CLN6: variants seen among roughly 807,000 people sequenced by gnomAD.
CLN6 encodes the protein ceroid-lipofuscinosis neuronal protein 6.
In CLN6, 22 loss-of-function variants were observed where a neutral mutation model predicts 33.3. That is an observed-to-expected ratio of 0.66 (90% CI 0.47 to 0.94). The LOEUF (loss-of-function observed/expected upper bound fraction) is 0.94, where lower values mean the gene tolerates loss of function less well. Ranked by LOEUF, CLN6 falls within the 40% of genes least tolerant of loss-of-function variation. CLN6 has a pLI of 0.00. For synonymous variants in CLN6, 201 were observed against 174.6 expected, an observed-to-expected ratio of 1.15 and a Z score of -1.19; for missense variants, 387 against 417.1, an observed-to-expected ratio of 0.93 and a Z score of 0.63.
At chr15:68,213,636 G>A (rs1015565402) in intron 3 of CLN6, 1 of 152,536 alleles carries the variant, frequency 6.6e-6, no homozygotes, top group African/African-American at 2.4e-5. Flanking sequence ...CCAAAGTGCT[G>A]GGATTACAGG....
chr15:68,241,547 C>T lies in CLN6; in HGVS notation c.179+15143G>A, dbSNP rs937773332. Among the ~76,000 whole-genome samples, 10 of 151,966 alleles carry T rather than the reference C, an allele frequency of 6.6e-5. No individual in the cohort carries two copies. The highest frequency in any genetic ancestry group is 6.8e-3 in the Middle Eastern group (2 of 294). On this transcript the variant is annotated intron_variant, in intron 1 of 6. Transcript: ENST00000538696. This position sits in a 1 kb window ranked among gnomAD's most constrained non-coding sequence, Gnocchi z 4.2. ...TTCCTGGCAGGAGACCTTGCCTCTGCCTCAACCCATGGGAAGCATCATGAT... is the reference window on the plus strand; with the variant it reads ...TTCCTGGCAGGAGACCTTGCCTCTGTCTCAACCCATGGGAAGCATCATGAT...
intron 1 of CLN6, among the ~76,000 whole-genome samples, chr15:68,250,658 T>C (rs1892370402): frequency 1.3e-5 from 2 of 148,744 alleles, no homozygotes; most frequent in Admixed American, 1.3e-4. Context: ...CAAGCCTAGA[T>C]AGTTTTCACG....
upstream of CLN6, chr15:68,229,887 G>A (rs2093265352): frequency 8.3e-6 from 2 of 241,822 alleles, no homozygotes; most frequent in Admixed American, 5.7e-5. Context: ...GGCTGCGCGC[G>A]TGACCACCAG....
In CLN6 at chr15:68,207,225, TGA is replaced by T. The variant is rs1348532210; in HGVS notation, c.*913_*914del. 6.6e-6 allele frequency: 1 copy of T among 152,374 alleles called. No homozygotes were observed. The allele number at this position is 152,374 out of a possible 1,614,324, so 9.4% of individuals were successfully genotyped here. On this transcript the variant is annotated 3_prime_UTR_variant, in exon 7 of 7. Coordinates refer to ENST00000249806, the MANE Select transcript of CLN6 (RefSeq NM_017882.3). ...GCCCAGCACCTTGTAAAGGCTTTGA[TGA>T]GAGGAGCTCTGGCTTTTGCTCAGGG...
At chr15:68,245,820 A>C (rs1892324610) in intron 1 of CLN6, among the ~76,000 whole-genome samples, 1 of 152,120 alleles carries the variant, frequency 6.6e-6, no homozygotes, top group Non-Finnish European at 1.5e-5. Context: ...AGAATAAGAA[A>C]CCCAACTTAC....
chr15:68,256,810 A>G lies in CLN6; in HGVS notation c.59T>C (p.Leu20Pro). The change falls in exon 1 of 7, where the codon CTG (leucine) becomes CCG (proline). Residue 20 changes from leucine to proline, a missense_variant. By Grantham distance (98) the Leu-to-Pro change is moderately conservative. Transcript: ENST00000538696. This position sits in a 1 kb window ranked among gnomAD's most constrained non-coding sequence, Gnocchi z 4.1. ...TCCCTCCCTCCTAGGGATGGCTCCC[A>G]GTGTCTCTGGCCGGGGCCTGCCTCT... 1 of 693,780 alleles carries G rather than the reference A, an allele frequency of 1.4e-6. No individual in the cohort carries two copies. Among genetic ancestry groups the G allele is most frequent in the African/African-American group, 1.8e-5 (1 of 56,886 alleles). 43.0% of individuals were successfully genotyped at this position (693,780 alleles called of 1,614,324 possible). A position where few individuals can be genotyped will look rare whatever the true frequency, so the allele number is the denominator to read the frequency against.
At position 68,226,317 on chromosome 15, in the gene CLN6, T is replaced by G. The variant is rs1595825385; in HGVS notation, c.83+3185A>C. 3.8e-5 allele frequency among the ~76,000 whole-genome samples: 4 copies of G among 105,556 alleles called. No homozygotes were observed. The South Asian group carries it at 1.2e-3, about 31-fold the overall frequency. The allele number at this position is 105,556 out of a possible 152,430, so 69.2% of individuals were successfully genotyped here. A position where few individuals can be genotyped will look rare whatever the true frequency, so the allele number is the denominator to read the frequency against. On this transcript the variant is annotated intron_variant, in intron 1 of 6. Coordinates refer to ENST00000249806, the MANE Select transcript of CLN6 (RefSeq NM_017882.3). ...CTGGGTAACAGTGTGAGACTCCATC[T>G]CAAAAAAAAAAAAAAAAAAGAGTCT... is the stretch of plus-strand genomic sequence containing the variant.
rs531690667 is a variant in CLN6, at chr15:68,247,366, T to A, written c.179+9324A>T. Reference sequence around the variant, plus strand: ...AATCTGTAGCATTTCTATCCAATAATGAACTAGCAGAGGAAGAAATCAAGA... The same window carrying A: ...AATCTGTAGCATTTCTATCCAATAAAGAACTAGCAGAGGAAGAAATCAAGA... On this transcript the variant is annotated intron_variant, in intron 1 of 6. Coordinates refer to the CLN6 transcript ENST00000538696. This position sits in a 1 kb window ranked among gnomAD's most constrained non-coding sequence, Gnocchi z 4.2. 8.5e-4 allele frequency among the ~76,000 whole-genome samples: 129 copies of A among 152,154 alleles called. 2 individuals carry two copies. The South Asian group carries it at 0.02, about 24-fold the overall frequency.
At chr15:68,232,708 G>A (rs147995957), upstream of CLN6, among the ~76,000 whole-genome samples, 784 of 152,198 alleles carry the variant, frequency 5.2e-3, 3 homozygotes, top group Non-Finnish European at 8.0e-3. This position sits in a 1 kb window ranked among gnomAD's most constrained non-coding sequence, Gnocchi z 4.7. Flanking sequence ...CCTCTTTCTG[G>A]ACAGACTGGC....
intron 1 of CLN6, among the ~76,000 whole-genome samples, chr15:68,238,901 G>A (rs1015480418): frequency 6.6e-6 from 1 of 152,188 alleles, no homozygotes; most frequent in Non-Finnish European, 1.5e-5. Context: ...TGATGATGGT[G>A]TATAATTTGT....
rs2093263266 is a variant in CLN6 at position 68,229,668 on chromosome 15, T to C, written c.-84A>G. The C allele has an allele frequency of 8.8e-7, 1 of 1,136,900 alleles. No individual in the cohort carries two copies. Among genetic ancestry groups the C allele is most frequent in the Non-Finnish European group, 1.2e-6 (1 of 868,752 alleles). The allele number at this position is 1,136,900 out of a possible 1,614,324, so 70.4% of individuals were successfully genotyped here. ...CTGCCCCGGCGGAGGCCGCCGCAAATTCCCAGCGCGGGGCGGTTCGGGGCG... is the reference window on the plus strand; with the variant it reads ...CTGCCCCGGCGGAGGCCGCCGCAAACTCCCAGCGCGGGGCGGTTCGGGGCG... On this transcript the variant is annotated 5_prime_UTR_variant, in exon 1 of 7. Transcript: ENST00000249806.
At chr15:68,226,296 G>T (rs1190051831) in intron 1 of CLN6, among the ~76,000 whole-genome samples, 1 of 143,830 alleles carries the variant, frequency 7.0e-6, no homozygotes, top group Non-Finnish European at 1.5e-5. Flanking sequence ...TCCAGCCTGG[G>T]TAACAGTGTG....
At chr15:68,250,226 A>G (rs1234238119) in intron 1 of CLN6, among the ~76,000 whole-genome samples, 1 of 152,208 alleles carries the variant, frequency 6.6e-6, no homozygotes, top group Non-Finnish European at 1.5e-5. Context: ...ATGTACATCT[A>G]TTATATATCA....
intron 2 of CLN6, among the ~76,000 whole-genome samples, chr15:68,216,252 T>C (rs1310022688): frequency 1.3e-5 from 2 of 152,164 alleles, no homozygotes; most frequent in Non-Finnish European, 1.5e-5. Flanking sequence ...GGCAGCTTCT[T>C]TGGCCCCCAG....
At chr15:68,231,568 C>T (rs1245101301), upstream of CLN6, among the ~76,000 whole-genome samples, 1 of 152,260 alleles carries the variant, frequency 6.6e-6, no homozygotes, top group Non-Finnish European at 1.5e-5. Context: ...TGCAAGCCTG[C>T]TGGGCTCCAG....
At chr15:68,238,881 T>C (rs535380203) in intron 1 of CLN6, among the ~76,000 whole-genome samples, 12 of 152,298 alleles carry the variant, frequency 7.9e-5, no homozygotes, top group African/African-American at 2.9e-4. Flanking sequence ...CAAAAACTTA[T>C]AATGAAAGGT....
At position 68,211,533 on chromosome 15, in the gene CLN6, G is replaced by A; in HGVS notation, c.486+142C>T. The A allele has an allele frequency of 6.3e-7, 1 of 1,594,558 alleles. No individual in the cohort carries two copies. The highest frequency in any genetic ancestry group is 1.7e-5 in the Admixed American group (1 of 59,622). On this transcript the variant is annotated intron_variant, in intron 4 of 6. Transcript: ENST00000249806. This position sits in a 1 kb window ranked among gnomAD's most constrained non-coding sequence, Gnocchi z 5.9. ...TAAGAACACTTGAGCATCCTAGCTT[G>A]GGGCAGGCGACAGTGCCCTCACCTA... is the stretch of plus-strand genomic sequence containing the variant.
chr15:68,254,617 C>T (rs1190434790), intron 1 of CLN6: 6 of 627,772 alleles, frequency 9.6e-6, no homozygotes, highest in East Asian at 2.8e-5. Flanking sequence ...GTCCCGCCGC[C>T]GTTGCCGCCA....
At chr15:68,249,500 G>A (rs1024165766) in intron 1 of CLN6, among the ~76,000 whole-genome samples, 1 of 152,196 alleles carries the variant, frequency 6.6e-6, no homozygotes, top group Admixed American at 6.5e-5. Flanking sequence ...CCATGAAAAA[G>A]AATGAAACTC....
Sources: gnomAD v4.1 joint callset for allele counts (sites outside exome capture counted in the v4.1 genomes callset) on GRCh38, gnomAD v4.1.1 for gene constraint, Gnocchi (gnomAD v3.1) non-coding constraint, MANE v1.5 for transcripts, NCBI Gene and HGNC (gene_info 2026-07-23, HGNC 2026-07-21) for gene names.